AOPEP: variants seen among roughly 807,000 people sequenced by gnomAD.
The protein encoded by AOPEP is aminopeptidase O (putative), also known as aminopeptidase O.
Under a neutral mutation model 98.1 loss-of-function variants are expected in AOPEP, and 77 were observed. That is an observed-to-expected ratio of 0.78 (90% CI 0.65 to 0.95). The LOEUF (loss-of-function observed/expected upper bound fraction) is 0.95, where lower values mean the gene tolerates loss of function less well. AOPEP is among the 40% of genes least tolerant of loss of function. The pLI is 0.00. For missense variants in AOPEP, 1,024 were observed against 1,024.7 expected, an observed-to-expected ratio of 1.00 and a Z score of 0.01; for synonymous variants, 346 against 365.3, an observed-to-expected ratio of 0.95 and a Z score of 0.60.
At chr9:94,953,766 C>T (rs2137919346) in intron 7 of AOPEP, among the ~76,000 whole-genome samples, 1 of 152,286 alleles carries the variant, frequency 6.6e-6, no homozygotes, top group Middle Eastern at 3.4e-3. Context: ...TCCTTGCCTT[C>T]CTTCACCTCA....
At chr9:94,998,636 A>T (rs1334655433) in intron 11 of AOPEP, among the ~76,000 whole-genome samples, 1 of 152,242 alleles carries the variant, frequency 6.6e-6, no homozygotes, top group Non-Finnish European at 1.5e-5. Context: ...CCACACAGCT[A>T]CTAGGCAAGC....
At chr9:94,863,494 C>A (rs1485114667) in intron 5 of AOPEP, among the ~76,000 whole-genome samples, 1 of 151,974 alleles carries the variant, frequency 6.6e-6, no homozygotes, top group Non-Finnish European at 1.5e-5. Context: ...GTTGGCTAGG[C>A]TGGTCTCAAA....
chr9:94,741,756 G>T (rs982355375), intron 1 of AOPEP, among the ~76,000 whole-genome samples: 1 of 152,130 alleles, frequency 6.6e-6, no homozygotes, highest in Non-Finnish European at 1.5e-5. Context: ...AAGAAGGTAC[G>T]TTTCTTGGTC....
intron 5 of AOPEP, among the ~76,000 whole-genome samples, chr9:94,803,293 ACTT>A (rs1007800130): frequency 3.9e-5 from 6 of 152,124 alleles, no homozygotes; most frequent in Admixed American, 6.6e-5. Context: ...ATACCTCTGG[ACTT>A]CTTTAGTGAT....
intron 10 of AOPEP, among the ~76,000 whole-genome samples, chr9:94,969,006 A>G (rs557424451): frequency 1.3e-5 from 2 of 152,314 alleles, no homozygotes; most frequent in East Asian, 3.9e-4. Flanking sequence ...GAGGACCAAG[A>G]TACTGAGAGG....
downstream of AOPEP, among the ~76,000 whole-genome samples, chr9:95,091,186 T>C (rs1261111189): frequency 6.6e-6 from 1 of 152,174 alleles, no homozygotes; most frequent in Non-Finnish European, 1.5e-5. Flanking sequence ...AAGCACGTCC[T>C]TGTTCTATAG....
chr9:95,027,645 G>A (rs943539910), intron 13 of AOPEP, among the ~76,000 whole-genome samples: 1 of 152,144 alleles, frequency 6.6e-6, no homozygotes, highest in Non-Finnish European at 1.5e-5. Context: ...GAAGTTCTAG[G>A]TGTTAGAATT....
intron 7 of AOPEP, among the ~76,000 whole-genome samples, chr9:94,939,281 T>TA (rs1253756726): frequency 6.6e-6 from 1 of 150,730 alleles, no homozygotes; most frequent in Non-Finnish European, 1.5e-5. Context: ...CTTCTAATAA[T>TA]ACAATGTAAA....
At chr9:95,062,010 C>T (rs530127400) in intron 14 of AOPEP, among the ~76,000 whole-genome samples, 2 of 152,290 alleles carry the variant, frequency 1.3e-5, no homozygotes, top group African/African-American at 4.8e-5. Flanking sequence ...CTCCAGGACC[C>T]TGTGATGGGC....
chr9:94,924,851 G>A (rs753383986), intron 6 of AOPEP, among the ~76,000 whole-genome samples: 1 of 152,144 alleles, frequency 6.6e-6, no homozygotes, highest in African/African-American at 2.4e-5. Flanking sequence ...AAAATACCAC[G>A]CAAGACAAAC....
chr9:94,861,714 C>T (rs1324428356), intron 5 of AOPEP, among the ~76,000 whole-genome samples: 2 of 152,202 alleles, frequency 1.3e-5, no homozygotes, highest in Admixed American at 6.5e-5. Flanking sequence ...TCCCAACCCC[C>T]GATATAAAAC....
At chr9:95,063,117 C>T (rs1015095157) in intron 14 of AOPEP, among the ~76,000 whole-genome samples, 6 of 152,242 alleles carry the variant, frequency 3.9e-5, no homozygotes, top group African/African-American at 1.4e-4. Context: ...GCAGCCAGCA[C>T]GGAAAATGAG....
intron 5 of AOPEP, among the ~76,000 whole-genome samples, chr9:94,856,303 A>G (rs540387778): frequency 3.0e-4 from 46 of 152,238 alleles, no homozygotes; most frequent in Non-Finnish European, 6.2e-4. Context: ...ATTGGGCCAA[A>G]TAGCTATTTA....
intron 1 of AOPEP, among the ~76,000 whole-genome samples, chr9:94,739,820 C>T (rs1360573811): frequency 6.6e-6 from 1 of 152,012 alleles, no homozygotes; most frequent in Non-Finnish European, 1.5e-5. Flanking sequence ...CCACTGAAAC[C>T]CCTCCTTTCT....
intron 5 of AOPEP, among the ~76,000 whole-genome samples, chr9:94,919,881 T>C (rs571141765): frequency 1.3e-5 from 2 of 152,360 alleles, no homozygotes; most frequent in African/African-American, 4.8e-5. Flanking sequence ...CCTTTGTCTC[T>C]ATCATGGGAT....
At chr9:95,072,500 G>T (rs929017390) in intron 14 of AOPEP, among the ~76,000 whole-genome samples, 2 of 152,122 alleles carry the variant, frequency 1.3e-5, no homozygotes, top group African/African-American at 4.8e-5. Context: ...AGGCATAGTG[G>T]CATGCACCTG....
chr9:95,001,970 G>A (rs1269622765), intron 11 of AOPEP, among the ~76,000 whole-genome samples: 1 of 151,430 alleles, frequency 6.6e-6, no homozygotes, highest in Non-Finnish European at 1.5e-5. Context: ...TAGAGACAGG[G>A]GTCTTGCTAT....
chr9:94,784,871 C>T (rs1254921004), intron 3 of AOPEP, among the ~76,000 whole-genome samples: 3 of 152,232 alleles, frequency 2.0e-5, no homozygotes, highest in African/African-American at 7.2e-5. Flanking sequence ...CTCGCCTTGG[C>T]CTCCCAAAGT....
At chr9:94,831,593 T>C (rs1855970221) in intron 5 of AOPEP, among the ~76,000 whole-genome samples, 1 of 152,108 alleles carries the variant, frequency 6.6e-6, no homozygotes, top group Admixed American at 6.6e-5. Context: ...CTGTGAAGAA[T>C]GTCAGTGGTA....
Sources: allele counts gnomAD v4.1 joint callset (sites outside exome capture counted in the v4.1 genomes callset), GRCh38; gene constraint gnomAD v4.1.1; transcripts MANE v1.5; gene names NCBI Gene and HGNC (gene_info 2026-07-23, HGNC 2026-07-21).